Variants in LRP1B observed in about 807,000 individuals in gnomAD.
LRP1B encodes the protein LDL receptor related protein 1B.
Under a neutral mutation model 556.6 loss-of-function variants are expected in LRP1B, and 217 were observed. That is an observed-to-expected ratio of 0.39 (90% CI 0.35 to 0.44). LRP1B has a LOEUF of 0.44. LRP1B is among the 20% of genes least tolerant of loss of function. LRP1B has a pLI of 1.00. For missense variants in LRP1B, 5,053 were observed against 5,620.8 expected (o/e 0.90, Z 3.23); for synonymous variants, 2,047 against 1,865.8 (o/e 1.10, Z -2.50).
chr2:141,579,059 T>C (rs1267398436), intron 2 of LRP1B, among the ~76,000 whole-genome samples: 2 of 152,174 alleles, frequency 1.3e-5, no homozygotes, highest in Admixed American at 6.5e-5. Flanking sequence ...ATTCTAAATA[T>C]TAACGAGAAA....
At chr2:141,645,041 T>C (rs1689501239) in intron 2 of LRP1B, among the ~76,000 whole-genome samples, 1 of 152,102 alleles carries the variant, frequency 6.6e-6, no homozygotes, top group African/African-American at 2.4e-5. Context: ...GCTGATGATA[T>C]AATGACTACT....
chr2:140,781,631 G>C (rs1041943481), intron 32 of LRP1B, among the ~76,000 whole-genome samples: 1 of 152,194 alleles, frequency 6.6e-6, no homozygotes, highest in East Asian at 1.9e-4. Flanking sequence ...TAACCAAATA[G>C]AAAAGAAATA....
intron 68 of LRP1B, among the ~76,000 whole-genome samples, chr2:140,377,300 C>T (rs1443698115): frequency 1.3e-5 from 2 of 152,124 alleles, no homozygotes; most frequent in Admixed American, 1.3e-4. Flanking sequence ...TGGTCTTGTC[C>T]TCCTGACCTC....
intron 32 of LRP1B, among the ~76,000 whole-genome samples, chr2:140,782,459 G>A (rs776334207): frequency 2.6e-5 from 4 of 152,046 alleles, no homozygotes; most frequent in Non-Finnish European, 5.9e-5. Context: ...GGAGAAGACC[G>A]TCATCTACAA....
intron 7 of LRP1B, among the ~76,000 whole-genome samples, chr2:141,148,730 T>C (rs919452933): frequency 2.0e-5 from 3 of 152,292 alleles, no homozygotes; most frequent in Admixed American, 2.0e-4. Flanking sequence ...GGAACAATAA[T>C]AGAAATGACT....
chr2:140,778,769 A>G (rs1047981117), intron 32 of LRP1B, among the ~76,000 whole-genome samples: 6 of 152,136 alleles, frequency 3.9e-5, no homozygotes, highest in Admixed American at 1.3e-4. Flanking sequence ...AGCTTTTAAA[A>G]TAATCCTCTC....
At chr2:141,084,918 G>C (rs1377652246) in intron 7 of LRP1B, among the ~76,000 whole-genome samples, 5 of 151,998 alleles carry the variant, frequency 3.3e-5, no homozygotes, top group Non-Finnish European at 7.4e-5. Flanking sequence ...CAAAGTGCTG[G>C]GATTACAGGC....
At chr2:141,070,882 G>A (rs1021479187) in intron 7 of LRP1B, among the ~76,000 whole-genome samples, 50 of 152,000 alleles carry the variant, frequency 3.3e-4, no homozygotes, top group African/African-American at 1.2e-3. Context: ...CAACCAAAAA[G>A]AGTCCAGGAC....
At chr2:140,654,001 G>C (rs1459072206) in intron 41 of LRP1B, among the ~76,000 whole-genome samples, 1 of 134,358 alleles carries the variant, frequency 7.4e-6, no homozygotes, top group Non-Finnish European at 1.5e-5. Context: ...CTCCAGCCTG[G>C]GAGACAAGAG....
intron 2 of LRP1B, among the ~76,000 whole-genome samples, chr2:141,647,021 T>G (rs1259371585): frequency 6.6e-6 from 1 of 152,128 alleles, no homozygotes; most frequent in African/African-American, 2.4e-5. Context: ...CCCCTTGCTA[T>G]GGCTGGTAAG....
chr2:141,054,414 C>G lies in LRP1B; in HGVS notation c.1552+702G>C, dbSNP rs1699122479. ...GGGCCGTTCTACTATACCTGATTAT[C>G]AAGACCCCAGGAAAAGACCTTAACT... On this transcript the variant is annotated intron_variant, in intron 10 of 90. Coordinates refer to ENST00000389484, the MANE Select transcript of LRP1B (RefSeq NM_018557.3). Among the ~76,000 whole-genome samples the G allele has an allele frequency of 2.6e-5, 4 of 151,952 alleles. No individual in the cohort carries two copies. In the South Asian group the frequency reaches 8.3e-4, roughly 31 times the overall value.
At chr2:141,019,624 T>A (rs977290661) in intron 12 of LRP1B, among the ~76,000 whole-genome samples, 1 of 152,080 alleles carries the variant, frequency 6.6e-6, no homozygotes, top group Non-Finnish European at 1.5e-5. Context: ...CTGGTTGAAT[T>A]GATTATTTAT....
intron 32 of LRP1B, among the ~76,000 whole-genome samples, chr2:140,786,157 C>T (rs557427442): frequency 1.3e-5 from 2 of 152,292 alleles, no homozygotes; most frequent in South Asian, 2.1e-4. Flanking sequence ...TGATTAGATG[C>T]CTGCTTAATT....
At chr2:140,874,567 CTA>C (rs1486695175) in intron 25 of LRP1B, among the ~76,000 whole-genome samples, 1 of 151,906 alleles carries the variant, frequency 6.6e-6, no homozygotes, top group Admixed American at 6.6e-5. Context: ...AAAACAACTC[CTA>C]TGTCATTATT....
chr2:140,412,481 A>G (rs1418289443), intron 66 of LRP1B, among the ~76,000 whole-genome samples: 1 of 152,130 alleles, frequency 6.6e-6, no homozygotes, highest in Non-Finnish European at 1.5e-5. Flanking sequence ...ATGTCAAATG[A>G]AAACAGAATA....
chr2:140,802,319 C>T (rs1028311896), intron 32 of LRP1B, among the ~76,000 whole-genome samples: 1 of 152,102 alleles, frequency 6.6e-6, no homozygotes, highest in Admixed American at 6.6e-5. Context: ...AAAAATTGTC[C>T]TATTTCCTAT....
At chr2:140,693,106 G>C (rs929484752) in intron 41 of LRP1B, among the ~76,000 whole-genome samples, 1 of 152,008 alleles carries the variant, frequency 6.6e-6, no homozygotes, top group Non-Finnish European at 1.5e-5. Flanking sequence ...ATCTGCCTCT[G>C]AGCCCTCTGT....
intron 32 of LRP1B, among the ~76,000 whole-genome samples, chr2:140,788,794 G>A (rs1265527515): frequency 6.6e-6 from 1 of 152,128 alleles, no homozygotes; most frequent in Non-Finnish European, 1.5e-5. Context: ...TCTATCCTCA[G>A]TGTGACTGTA....
intron 1 of LRP1B, among the ~76,000 whole-genome samples, chr2:142,076,950 TAAG>T (rs1351173874): frequency 3.3e-5 from 5 of 152,032 alleles, no homozygotes; most frequent in African/African-American, 7.2e-5. Context: ...CAGAAACACA[TAAG>T]AAGATACAGT....
Sources: gnomAD v4.1 joint callset for allele counts (sites outside exome capture counted in the v4.1 genomes callset) on GRCh38, gnomAD v4.1.1 for gene constraint, MANE v1.5 for transcripts, NCBI Gene and HGNC (gene_info 2026-07-23, HGNC 2026-07-21) for gene names.